DEPDC4: variants seen among roughly 807,000 people sequenced by gnomAD.
DEPDC4 encodes DEP domain-containing protein 4.
A neutral mutation model predicts 52.0 loss-of-function variants in DEPDC4; 52 were observed. The ratio of observed to expected loss-of-function variants is 1.00; its 90% CI spans 0.80 to 1.26. The LOEUF (loss-of-function observed/expected upper bound fraction) is 1.26. Ranked by LOEUF, DEPDC4 falls within the 50% of genes most tolerant of loss-of-function variation. The probability of loss-of-function intolerance (pLI) is 0.00; values close to 1 mark genes in which losing one functional copy is unlikely to be tolerated. For synonymous variants in DEPDC4, 201 were observed against 196.8 expected, an observed-to-expected ratio of 1.02 and a Z score of -0.18; for missense variants, 530 against 546.9, an observed-to-expected ratio of 0.97 and a Z score of 0.31.
In DEPDC4 at chr12:100,241,853, A is replaced by G. The variant is rs758566993; in HGVS notation, c.*47-8T>C. 0.057 allele frequency: 65,827 copies of G among 1,153,008 alleles called. 694 individuals carry two copies. Among genetic ancestry groups the G allele is most frequent in the Middle Eastern group, 0.11 (445 of 4,172 alleles). 71.4% of individuals were successfully genotyped at this position (1,153,008 alleles called of 1,614,324 possible). A position where few individuals can be genotyped will look rare whatever the true frequency, so the allele number is the denominator to read the frequency against. On this transcript the variant is annotated splice_region_variant and splice_polypyrimidine_tract_variant and intron_variant, in intron 9 of 9. Coordinates refer to ENST00000550587, the MANE Select transcript of DEPDC4 (RefSeq NM_001364818.2). ...GTTGGCAAAACGTAAAGCCTGGAAA[A>G]AAAAAAAAAAAACAAAAGAAAAAGA...
chr12:100,258,101 T>A (rs557948483), intron 3 of DEPDC4, among the ~76,000 whole-genome samples: 1 of 151,888 alleles, frequency 6.6e-6, no homozygotes, highest in Non-Finnish European at 1.5e-5. Context: ...CTGTTCTAAG[T>A]GCCAGGGATA....
chr12:100,239,134 C>T (rs1027262181), downstream of DEPDC4, among the ~76,000 whole-genome samples: 11 of 151,798 alleles, frequency 7.2e-5, no homozygotes, highest in Admixed American at 1.3e-4. Context: ...TGGAGTGCAG[C>T]GGTGTGATCT....
intron 8 of DEPDC4, among the ~76,000 whole-genome samples, chr12:100,247,283 A>C (rs571599055): frequency 5.5e-4 from 72 of 131,538 alleles, no homozygotes; most frequent in African/African-American, 2.0e-3. Context: ...ATCTTGGCTC[A>C]CTGCAACCTC....
intron 7 of DEPDC4, among the ~76,000 whole-genome samples, chr12:100,251,362 CTA>C (rs1298849579): frequency 6.6e-6 from 1 of 152,080 alleles, no homozygotes; most frequent in African/African-American, 2.4e-5. Flanking sequence ...TAAAAAAAAA[CTA>C]TTTCAAAAAC....
At position 100,263,647 on chromosome 12, in the gene DEPDC4, G is replaced by C. The variant is rs776144930; in HGVS notation, c.404C>G (p.Pro135Arg). ...QVLMNHKVFEPVGMKKLFKKE... is the reference protein window; with the variant it reads ...QVLMNHKVFERVGMKKLFKKE... ...TTTGAAAAGCTTCTTCATTCCTACT[G>C]GTTCAAATACTTTGTGATTCATTAG... The change falls in exon 2 of 10, where the codon CCA (proline) becomes CGA (arginine). Residue 135 changes from proline to arginine, a missense_variant. Physicochemically the swap from Pro to Arg is moderately radical, Grantham distance 103. Transcript: ENST00000550587. The C allele has an allele frequency of 3.1e-6, 5 of 1,613,848 alleles. No homozygotes were observed. The highest frequency in any genetic ancestry group is 4.2e-6 in the Non-Finnish European group (5 of 1,179,958).
chr12:100,265,912 T>C (rs1485568707), intron 1 of DEPDC4, among the ~76,000 whole-genome samples: 2 of 152,200 alleles, frequency 1.3e-5, no homozygotes, highest in Non-Finnish European at 2.9e-5. Flanking sequence ...TGAAAGAGGA[T>C]GTACCCTTTT....
intron 4 of DEPDC4, among the ~76,000 whole-genome samples, chr12:100,255,187 CAG>C (rs1320590903): frequency 6.6e-6 from 1 of 152,252 alleles, no homozygotes; most frequent in African/African-American, 2.4e-5. Context: ...CTTTTTAAGG[CAG>C]ACTGGCTGCT....
the DEPDC4 span, among the ~76,000 whole-genome samples, chr12:100,274,961 T>C: frequency 6.6e-6 from 1 of 152,184 alleles, no homozygotes; most frequent in Admixed American, 6.5e-5. Context: ...TTGAATTGCA[T>C]TGAGTTTCTA....
At chr12:100,261,973 A>C (rs1377376283) in intron 3 of DEPDC4, among the ~76,000 whole-genome samples, 3 of 152,198 alleles carry the variant, frequency 2.0e-5, no homozygotes, top group African/African-American at 7.2e-5. Flanking sequence ...TGTCATCAAA[A>C]ATTTGTACAA....
At position 100,241,862 on chromosome 12, in the gene DEPDC4, AAAAC is replaced by A; in HGVS notation, c.*47-21_*47-18del. The A allele has an allele frequency of 3.3e-6, 4 of 1,198,144 alleles. No individual in the cohort carries two copies. Among genetic ancestry groups the A allele is most frequent in the Non-Finnish European group, 4.2e-6 (4 of 949,532 alleles). The allele number at this position is 1,198,144 out of a possible 1,614,324, so 74.2% of individuals were successfully genotyped here. On this transcript the variant is annotated intron_variant, in intron 9 of 9. Transcript: ENST00000550587. Reference sequence around the variant, plus strand: ...ACGTAAAGCCTGGAAAAAAAAAAAAAAAACAAAAGAAAAAGAAAAGTACCACTGG... The same window carrying A: ...ACGTAAAGCCTGGAAAAAAAAAAAAAAAAAGAAAAAGAAAAGTACCACTGG...
chr12:100,253,081 T>C (rs2096215328), intron 5 of DEPDC4, among the ~76,000 whole-genome samples: 1 of 152,172 alleles, frequency 6.6e-6, no homozygotes, highest in Non-Finnish European at 1.5e-5. Context: ...TACACCTGGC[T>C]AATTTTTGGT....
rs2096211021 is a variant in DEPDC4, at chr12:100,252,255, A to G, written c.1295T>C (p.Leu432Ser). Residue 432 changes from leucine to serine, a missense_variant, in exon 7 of 10, where the codon TTG becomes TCG. By Grantham distance (145) the Leu-to-Ser change is moderately radical. Coordinates refer to ENST00000550587, the MANE Select transcript of DEPDC4 (RefSeq NM_001364818.2). ...CACTTTTAATAATGATTTGGCTTGC[A>G]AAACTGATTTGGCAAGAGTTTTCAG... ...VVLKTLAKSV[L>S]QAKSLLKVRA... 7.2e-7 allele frequency: 1 copy of G among 1,390,562 alleles called. No individual in the cohort carries two copies. The highest frequency in any genetic ancestry group is 3.0e-5 in the East Asian group (1 of 33,030). The allele number at this position is 1,390,562 out of a possible 1,614,324, so 86.1% of individuals were successfully genotyped here.
At chr12:100,244,913 C>A (rs1242012017) in intron 8 of DEPDC4, among the ~76,000 whole-genome samples, 1 of 151,408 alleles carries the variant, frequency 6.6e-6, no homozygotes, top group Non-Finnish European at 1.5e-5. Flanking sequence ...ACTCTGTTGC[C>A]CAGACTGGAG....
intron 7 of DEPDC4, 144 bp downstream of exon 7, chr12:100,252,032 T>G: frequency 4.2e-6 from 3 of 712,318 alleles, no homozygotes; most frequent in Non-Finnish European, 5.3e-6. Flanking sequence ...TTTCTTCTCT[T>G]TTGTGGGTGT....
At chr12:100,270,283 G>C (rs2096286206), upstream of DEPDC4, among the ~76,000 whole-genome samples, 1 of 151,972 alleles carries the variant, frequency 6.6e-6, no homozygotes, top group Non-Finnish European at 1.5e-5. Context: ...CACCGCGCCT[G>C]GCCGAGATTT....
chr12:100,270,206 T>C (rs1466298202), upstream of DEPDC4, among the ~76,000 whole-genome samples: 1 of 152,170 alleles, frequency 6.6e-6, no homozygotes, highest in East Asian at 1.9e-4. Flanking sequence ...CAGGAGGGTC[T>C]CGATCTCCTG....
chr12:100,235,587 T>TC (rs1349361177), downstream of DEPDC4, among the ~76,000 whole-genome samples: 2 of 148,676 alleles, frequency 1.3e-5, no homozygotes, highest in African/African-American at 5.0e-5. Flanking sequence ...TTTTTTTTTT[T>TC]CCCCCAAGAT....
upstream of DEPDC4, among the ~76,000 whole-genome samples, chr12:100,270,789 T>A (rs2096286801): frequency 6.6e-6 from 1 of 152,094 alleles, no homozygotes; most frequent in African/African-American, 2.4e-5. Context: ...TTTTAAATCT[T>A]AAATCTTATT....
chr12:100,263,384 A>ATTT, intron 2 of DEPDC4, 113 bp downstream of exon 2: 1 of 738,710 alleles, frequency 1.4e-6, no homozygotes, highest in Non-Finnish European at 2.0e-6. Context: ...TTTCACATGG[A>ATTT]TTTTTTTTTT....
Sources: gnomAD v4.1 joint callset for allele counts (sites outside exome capture counted in the v4.1 genomes callset) on GRCh38, gnomAD v4.1.1 for gene constraint, MANE v1.5 for transcripts, NCBI Gene and HGNC (gene_info 2026-07-23, HGNC 2026-07-21) for gene names.